Variants in ZFYVE26 observed in about 807,000 individuals in gnomAD.
ZFYVE26 encodes zinc finger FYVE domain-containing protein 26.
ZFYVE26 carries 181 observed loss-of-function variants against 276.5 expected under a neutral mutation model. That is an observed-to-expected ratio of 0.65 (90% CI 0.58 to 0.74). The LOEUF (loss-of-function observed/expected upper bound fraction) is 0.74. Ranked by LOEUF, ZFYVE26 falls within the 30% of genes least tolerant of loss-of-function variation. The pLI, the probability that ZFYVE26 is intolerant of heterozygous loss-of-function variation, is 0.00. For missense variants in ZFYVE26, 2,821 were observed against 3,097.9 expected (o/e 0.91, Z 2.12); for synonymous variants, 1,129 against 1,203.1 (o/e 0.94, Z 1.27).
chr14:67,772,289 T>C, intron 27 of ZFYVE26, 79 bp from the exon 28 acceptor site: 1 of 1,475,638 alleles, frequency 6.8e-7, no homozygotes, highest in Admixed American at 1.9e-5. Flanking sequence ...GATAGAATTT[T>C]ACCATTTTAC....
chr14:67,777,526 A>T, intron 25 of ZFYVE26, 33 bp downstream of exon 25: 2 of 1,612,236 alleles, frequency 1.2e-6, no homozygotes, highest in Non-Finnish European at 1.7e-6. Flanking sequence ...TGGATCCCAC[A>T]TACAGCGCCT....
rs2039154934 is a variant in ZFYVE26 at position 67,769,707 on chromosome 14, G to A, written c.5508C>T (p.Arg1836=). 6.2e-7 allele frequency: 1 copy of A among 1,614,024 alleles called. No individual in the cohort carries two copies. The highest frequency in any genetic ancestry group is 8.5e-7 in the Non-Finnish European group (1 of 1,180,026). The change falls in exon 29 of 42, where the codon CGC becomes CGT. Residue 1836 remains arginine (R), a synonymous_variant. Coordinates refer to ENST00000347230, the MANE Select transcript of ZFYVE26 (RefSeq NM_015346.4). Reference sequence around the variant, plus strand: ...AGCTGCACACTAGCCGGCCACAGCGGCGACAATGATGACGCCTGTTAAACT... The same window carrying A: ...AGCTGCACACTAGCCGGCCACAGCGACGACAATGATGACGCCTGTTAAACT... ...FTMFNRRHHC[R]RCGRLVCSSC... is the part of the protein sequence containing the mutation.
In ZFYVE26 at chr14:67,748,518, T is replaced by A. The variant is rs1316738791; in HGVS notation, c.7538A>T (p.Asp2513Val). The A allele has an allele frequency of 6.2e-7, 1 of 1,613,950 alleles. No homozygotes were observed. The change falls in exon 42 of 42, where the codon GAT (aspartate) becomes GTT (valine). Residue 2513 changes from aspartate (D) to valine (V), a missense_variant. Coordinates refer to ENST00000347230, the MANE Select transcript of ZFYVE26 (RefSeq NM_015346.4). ...GGCACAGATGTCTTGCACTACTGCATCCCCGCTGCTCTTGGCGGCCTGCTG... is the reference window on the plus strand; with the variant it reads ...GGCACAGATGTCTTGCACTACTGCAACCCCGCTGCTCTTGGCGGCCTGCTG... ...QVQQAAKSSG[D>V]AVVQDICAQW...
At chr14:67,758,766 G>C (rs1054952125) in intron 35 of ZFYVE26, among the ~76,000 whole-genome samples, 1 of 152,142 alleles carries the variant, frequency 6.6e-6, no homozygotes, top group African/African-American at 2.4e-5. Context: ...CTCCCGAGTA[G>C]CTGGGATTAC....
At position 67,790,732 on chromosome 14, in the gene ZFYVE26, C is replaced by T. The variant is rs1368318218; in HGVS notation, c.2595G>A (p.Gly865=). The T allele has an allele frequency of 2.5e-6, 4 of 1,614,146 alleles. No homozygotes were observed. In the South Asian group the frequency reaches 3.3e-5, roughly 13 times the overall value. Residue 865 remains glycine (G), a synonymous_variant, in exon 15 of 42, where the codon GGG becomes GGA. Coordinates refer to ENST00000347230, the MANE Select transcript of ZFYVE26 (RefSeq NM_015346.4). ...TFNLKSSPSS[G]ELMFMERYQE... ...GGTAGCGCTCCATGAACATCAGTTC[C>T]CCTGAACTGGGTGAGGACTTCAGGT...
rs528351963 is a variant in ZFYVE26, at chr14:67,791,008, G to A, written c.2554-235C>T. 5.6e-4 allele frequency among the ~76,000 whole-genome samples: 85 copies of A among 152,338 alleles called. No homozygotes were observed. In the South Asian group the frequency reaches 0.013, roughly 24 times the overall value. Reference sequence around the variant, plus strand: ...TAGGCAAAAGATGTGGACAATTTCAGAGGAAATATATATGACTAATATATA... The same window carrying A: ...TAGGCAAAAGATGTGGACAATTTCAAAGGAAATATATATGACTAATATATA... On this transcript the variant is annotated intron_variant, in intron 14 of 41. Coordinates refer to ENST00000347230, the MANE Select transcript of ZFYVE26 (RefSeq NM_015346.4).
intron 27 of ZFYVE26, among the ~76,000 whole-genome samples, chr14:67,773,156 A>T (rs2039256420): frequency 6.6e-6 from 1 of 152,168 alleles, no homozygotes; most frequent in Non-Finnish European, 1.5e-5. Context: ...TGATAATGGT[A>T]TTATGGCTTT....
At position 67,751,861 on chromosome 14, in the gene ZFYVE26, C is replaced by CAA. The variant is rs5809363; in HGVS notation, c.7371+481_7371+482dup. Among the ~76,000 whole-genome samples the CAA allele has an allele frequency of 3.1e-4, 43 of 140,784 alleles. 2 individuals carry two copies. The East Asian group carries it at 5.4e-3, about 18-fold the overall frequency. 92.4% of individuals were successfully genotyped at this position (140,784 alleles called of 152,430 possible). ...TGGGCGACAGCGCGAGACTCTGTCT[C>CAA]AAAAAAAAAAAAGAACAAGAAAGAA... On this transcript the variant is annotated intron_variant, in intron 40 of 41. Transcript: ENST00000347230.
intron 22 of ZFYVE26, 138 bp downstream of exon 22, chr14:67,781,195 T>G: frequency 1.0e-6 from 1 of 982,550 alleles, no homozygotes; most frequent in Non-Finnish European, 1.6e-6. Flanking sequence ...GCTGTTCACC[T>G]AAGAACTGAA....
In ZFYVE26 at chr14:67,807,890, C is replaced by T. The variant is rs775985843; in HGVS notation, c.394G>A (p.Val132Ile). ...ELYETLTQGA[V>I]GHVPDGNPRR... ...GGATTTCCGTCAGGCACGTGGCCTA[C>T]TGCACCCTGTGTTAAGGTCTCATAC... Residue 132 changes from valine (V) to isoleucine (I), a missense_variant, in exon 5 of 42, where the codon GTA (valine) becomes ATA (isoleucine). Val to Ile is a conservative substitution (Grantham distance 29, BLOSUM62 3). Coordinates refer to ENST00000347230, the MANE Select transcript of ZFYVE26 (RefSeq NM_015346.4). The T allele has an allele frequency of 6.2e-7, 1 of 1,614,040 alleles. No homozygotes were observed. Among genetic ancestry groups the T allele is most frequent in the Non-Finnish European group, 8.5e-7 (1 of 1,180,014 alleles).
chr14:67,780,491 G>A, intron 22 of ZFYVE26, 146 bp from the exon 23 acceptor site: 1 of 747,684 alleles, frequency 1.3e-6, no homozygotes, highest in Non-Finnish European at 2.3e-6. Context: ...AGAGCAAATT[G>A]GGCAAAGATT....
chr14:67,814,212 A>G, intron 2 of ZFYVE26, 148 bp from the exon 3 acceptor site: 1 of 717,932 alleles, frequency 1.4e-6, no homozygotes, highest in Non-Finnish European at 2.5e-6. Context: ...AATGTATATG[A>G]CAGTTCAGTA....
chr14:67,801,236 G>A (rs1404070238), intron 10 of ZFYVE26, among the ~76,000 whole-genome samples: 1 of 151,128 alleles, frequency 6.6e-6, no homozygotes, highest in Non-Finnish European at 1.5e-5. Flanking sequence ...GGGCAACAGA[G>A]CAAGACTCTG....
chr14:67,798,896 C>G, intron 10 of ZFYVE26: 1 of 926,118 alleles, frequency 1.1e-6, no homozygotes, highest in Non-Finnish European at 1.6e-6. Flanking sequence ...CCACCAGGCC[C>G]CGCCCCCGGG....
rs74741752 is a variant in ZFYVE26, at chr14:67,764,578, T to G, written c.6011+1649A>C. 3.1e-3 allele frequency among the ~76,000 whole-genome samples: 476 copies of G among 152,206 alleles called. 17 individuals carry two copies. In the East Asian group the frequency reaches 0.079, roughly 25 times the overall value. On this transcript the variant is annotated intron_variant, in intron 32 of 41. Transcript: ENST00000347230. ...TTTGTCTATCAGAAGGGGGTATGAG[T>G]TAAAAACATTAGAAAAATACTCTGA...
intron 14 of ZFYVE26, among the ~76,000 whole-genome samples, chr14:67,791,811 G>C (rs2140235546): frequency 6.7e-6 from 1 of 149,708 alleles, no homozygotes. Context: ...TGTAATCCCA[G>C]CACTTCAGGA....
At chr14:67,785,816 C>T (rs2039635774) in intron 18 of ZFYVE26, 42 bp downstream of exon 18, 3 of 1,613,350 alleles carry the variant, frequency 1.9e-6, no homozygotes, top group Non-Finnish European at 2.5e-6. Flanking sequence ...TTTCCTCTCC[C>T]CAGTTCAGCT....
chr14:67,797,822 T>C (rs577259644), intron 11 of ZFYVE26, 67 bp from the exon 12 acceptor site: 5 of 1,601,164 alleles, frequency 3.1e-6, no homozygotes, highest in Admixed American at 1.7e-5. Flanking sequence ...TTTCTTGGCA[T>C]AACAGGTTGG....
chr14:67,768,421 A>T, intron 30 of ZFYVE26, 96 bp downstream of exon 30: 1 of 1,385,184 alleles, frequency 7.2e-7, no homozygotes, highest in Non-Finnish European at 1.0e-6. Flanking sequence ...GGAGTGCATA[A>T]GTTGGACAAG....
Sources: gnomAD v4.1 joint callset for allele counts (sites outside exome capture counted in the v4.1 genomes callset) on GRCh38, gnomAD v4.1.1 for gene constraint, MANE v1.5 for transcripts, NCBI Gene and HGNC (gene_info 2026-07-23, HGNC 2026-07-21) for gene names.